The following RFX1 variants were observed in gnomAD, a reference collection of about 807,000 sequenced individuals.
RFX1 encodes the protein MHC class II regulatory factor RFX1.
Under a neutral mutation model 119.6 loss-of-function variants are expected in RFX1, and 42 were observed. The ratio of observed to expected loss-of-function variants is 0.35; its 90% CI spans 0.27 to 0.45. The LOEUF is 0.45. Ranked by LOEUF, RFX1 falls within the 20% of genes least tolerant of loss-of-function variation. The probability of loss-of-function intolerance (pLI) is 1.00; values close to 1 mark genes in which losing one functional copy is unlikely to be tolerated. For missense variants in RFX1, 1,118 were observed against 1,368.1 expected (o/e 0.82, Z 2.88); for synonymous variants, 628 against 618.5 (o/e 1.02, Z -0.23).
chr19:13,994,136 C>G (rs888021534), intron 1 of RFX1, among the ~76,000 whole-genome samples: 2 of 152,032 alleles, frequency 1.3e-5, no homozygotes, highest in Non-Finnish European at 2.9e-5. Context: ...CCACTCACCC[C>G]AAGCCAGGAC....
intron 8 of RFX1, 81 bp from the exon 9 acceptor site, chr19:13,973,208 G>T (rs1231445656): frequency 3.5e-5 from 26 of 734,756 alleles, no homozygotes; most frequent in East Asian, 1.6e-4. Context: ...AGGAAGGGGG[G>T]TCCTAGGAGG....
chr19:13,965,166 AG>A lies in RFX1; in HGVS notation c.2211+282del, dbSNP rs1268233552. On this transcript the variant is annotated intron_variant, in intron 16 of 20. Transcript: ENST00000254325. This position sits in a 1 kb window ranked among gnomAD's most constrained non-coding sequence, Gnocchi z 4.7. ...AGCACTTTCTAGCAAGGCTGTCTAA[AG>A]GGAACTACTGTACATTTGCAGTTGG... Among the ~76,000 whole-genome samples the A allele has an allele frequency of 6.6e-6, 1 of 152,362 alleles. No individual in the cohort carries two copies. The highest frequency in any genetic ancestry group is 3.4e-3 in the Middle Eastern group (1 of 294).
chr19:14,003,440 A>C (rs558116684), intron 1 of RFX1, among the ~76,000 whole-genome samples: 1 of 148,906 alleles, frequency 6.7e-6, no homozygotes, highest in Non-Finnish European at 1.5e-5. Flanking sequence ...AGCGAGAAGC[A>C]AGTCAACCTT....
chr19:13,963,351 G>T, intron 18 of RFX1, 76 bp from the exon 19 acceptor site: 1 of 1,507,276 alleles, frequency 6.6e-7, no homozygotes, highest in Non-Finnish European at 8.9e-7. Flanking sequence ...GCTGCGATGC[G>T]CCCGGGCCTC....
chr19:13,995,851 CAAAAAAA>C (rs57542235), intron 1 of RFX1, among the ~76,000 whole-genome samples: 452 of 35,618 alleles, frequency 0.013, 2 homozygotes, highest in African/African-American at 0.021. Context: ...ACTCTGTCTC[CAAAAAAA>C]AAAAAAAAAA....
chr19:13,973,167 A>C, intron 8 of RFX1, 40 bp from the exon 9 acceptor site: 1 of 1,082,514 alleles, frequency 9.2e-7, no homozygotes, highest in Non-Finnish European at 1.3e-6. Flanking sequence ...CAGGGGGATG[A>C]GAACTGGGGG....
chr19:13,988,475 C>T (rs1300114232), intron 2 of RFX1, among the ~76,000 whole-genome samples: 2 of 152,172 alleles, frequency 1.3e-5, no homozygotes, highest in Non-Finnish European at 1.5e-5. Context: ...ACACCCAGGG[C>T]GTGGATCAGG....
At chr19:13,982,901 T>G (rs377399238) in intron 4 of RFX1, 2 of 463,556 alleles carry the variant, frequency 4.3e-6, no homozygotes, top group East Asian at 4.0e-5. Flanking sequence ...AACCTGGCCT[T>G]GGGTTCTCTG....
intron 2 of RFX1, among the ~76,000 whole-genome samples, chr19:13,993,064 C>A (rs538960430): frequency 3.9e-5 from 6 of 152,108 alleles, no homozygotes; most frequent in African/African-American, 1.4e-4. Flanking sequence ...CATTTGAGGC[C>A]GGGAGGATCA....
intron 7 of RFX1, among the ~76,000 whole-genome samples, chr19:13,978,712 C>T (rs1207211189): frequency 8.5e-5 from 13 of 152,210 alleles, no homozygotes; most frequent in African/African-American, 3.1e-4. Flanking sequence ...CCCGCCCCCG[C>T]CCGCCCGCTG....
Position 13,969,928 on chromosome 19 carries a change from T to TGGGGGGG in RFX1, c.1496+65_1496+66insCCCCCCC. ...CTGGACTGCCTGAGATGACTCGGAG[T>TGGGGGGG]GGGGGTGGGCCTTGGCATGCCCACC... is the stretch of plus-strand genomic sequence containing the variant. On this transcript the variant is annotated intron_variant, in intron 10 of 20. Transcript: ENST00000254325. This position sits in a 1 kb window ranked among gnomAD's most constrained non-coding sequence, Gnocchi z 4.5. The TGGGGGGG allele has an allele frequency of 1.3e-6, 2 of 1,488,610 alleles. No homozygotes were observed. The highest frequency in any genetic ancestry group is 2.3e-5 in the East Asian group (1 of 43,350). 92.2% of individuals were successfully genotyped at this position (1,488,610 alleles called of 1,614,324 possible).
chr19:13,969,928 T>TGGGGGGGGGGGGG lies in RFX1; in HGVS notation c.1496+65_1496+66insCCCCCCCCCCCCC. 2 of 1,488,612 alleles carry TGGGGGGGGGGGGG rather than the reference T, an allele frequency of 1.3e-6. No individual in the cohort carries two copies. Among genetic ancestry groups the TGGGGGGGGGGGGG allele is most frequent in the Non-Finnish European group, 1.8e-6 (2 of 1,102,182 alleles). 92.2% of individuals were successfully genotyped at this position (1,488,612 alleles called of 1,614,324 possible). A position where few individuals can be genotyped will look rare whatever the true frequency, so the allele number is the denominator to read the frequency against. On this transcript the variant is annotated intron_variant, in intron 10 of 20. Coordinates refer to ENST00000254325, the MANE Select transcript of RFX1 (RefSeq NM_002918.5). This position sits in a 1 kb window ranked among gnomAD's most constrained non-coding sequence, Gnocchi z 4.5. ...CTGGACTGCCTGAGATGACTCGGAGTGGGGGTGGGCCTTGGCATGCCCACC... is the reference window on the plus strand; with the variant it reads ...CTGGACTGCCTGAGATGACTCGGAGTGGGGGGGGGGGGGGGGGGTGGGCCTTGGCATGCCCACC...
At chr19:13,992,474 G>C (rs1471071732) in intron 2 of RFX1, among the ~76,000 whole-genome samples, 2 of 152,192 alleles carry the variant, frequency 1.3e-5, no homozygotes, top group Non-Finnish European at 2.9e-5. Flanking sequence ...CAGGTCCTGC[G>C]TGCCTTAGCT....
intron 3 of RFX1, 57 bp downstream of exon 3, chr19:13,983,429 G>T: frequency 7.2e-7 from 1 of 1,390,036 alleles, no homozygotes; most frequent in African/African-American, 1.4e-5. Flanking sequence ...CGAGGACGCA[G>T]CCTGCACTGC....
Position 13,969,759 on chromosome 19 carries a change from T to G in RFX1, c.1496+235A>C. ...GGCAGGGGAGAGGGGGAGGCTGCAG[T>G]TTTAGTTGAGGCAGTCAGGGGACGT... is the stretch of plus-strand genomic sequence containing the variant. On this transcript the variant is annotated intron_variant, in intron 10 of 20. Coordinates refer to ENST00000254325, the MANE Select transcript of RFX1 (RefSeq NM_002918.5). The surrounding 1 kb of genome is among the most constrained non-coding windows in gnomAD (Gnocchi z 4.5). 4.6e-6 allele frequency: 2 copies of G among 437,808 alleles called. No individual in the cohort carries two copies. Among genetic ancestry groups the G allele is most frequent in the Non-Finnish European group, 4.0e-6 (1 of 248,112 alleles). 27.1% of individuals were successfully genotyped at this position (437,808 alleles called of 1,614,324 possible). A position where few individuals can be genotyped will look rare whatever the true frequency, so the allele number is the denominator to read the frequency against.
Position 13,963,525 on chromosome 19 carries a change from G to C in RFX1, c.2570+13C>G. The C allele has an allele frequency of 1.3e-6, 2 of 1,595,978 alleles. No individual in the cohort carries two copies. The highest frequency in any genetic ancestry group is 1.7e-6 in the Non-Finnish European group (2 of 1,176,022). ...CCTGGTGCCGCCCGGACCCGATCCC[G>C]CCGCGCGCGCACCTGTAGAAGGACC... On this transcript the variant is annotated intron_variant, in intron 18 of 20. Transcript: ENST00000254325.
At chr19:13,996,848 CGAGTAGCTGCGACTACAGGAGCCTACT>C (rs1975041737) in intron 1 of RFX1, among the ~76,000 whole-genome samples, 2 of 151,914 alleles carry the variant, frequency 1.3e-5, no homozygotes, top group South Asian at 4.2e-4. Context: ...CTCAGCCTCC[CGAGTAGCTGCGACTACAGGAGCCTACT>C]ACCACATCCA....
At chr19:13,999,518 T>C (rs972620947) in intron 1 of RFX1, among the ~76,000 whole-genome samples, 1 of 152,372 alleles carries the variant, frequency 6.6e-6, no homozygotes, top group South Asian at 2.1e-4. Context: ...ACTTTATTTC[T>C]AGACACTGAG....
chr19:13,972,221 G>C (rs1974106609), intron 9 of RFX1, among the ~76,000 whole-genome samples: 1 of 123,248 alleles, frequency 8.1e-6, no homozygotes, highest in Non-Finnish European at 1.7e-5. Flanking sequence ...TTTTGAGACA[G>C]AATCTTGCTG....
Sources: allele counts gnomAD v4.1 joint callset (sites outside exome capture counted in the v4.1 genomes callset), GRCh38; gene constraint gnomAD v4.1.1; non-coding constraint Gnocchi (gnomAD v3.1); transcripts MANE v1.5; gene names NCBI Gene and HGNC (gene_info 2026-07-23, HGNC 2026-07-21).